Variants in IDO2 observed in about 807,000 individuals in gnomAD.
IDO2 encodes indoleamine 2,3-dioxygenase 2.
Under a neutral mutation model 45.1 loss-of-function variants are expected in IDO2, and 46 were observed. That is an observed-to-expected ratio of 1.02 (90% confidence interval 0.80 to 1.30). The LOEUF is 1.30. Ranked by LOEUF, IDO2 falls within the 50% of genes most tolerant of loss-of-function variation. The pLI, the probability that IDO2 is intolerant of heterozygous loss-of-function variation, is 0.00. For missense variants in IDO2, 544 were observed against 491.8 expected (o/e 1.11, Z -1.00); for synonymous variants, 218 against 184.9 (o/e 1.18, Z -1.45).
chr8:39,979,304 A>C, intron 4 of IDO2, 118 bp downstream of exon 4: 1 of 1,051,594 alleles, frequency 9.5e-7, no homozygotes, highest in Non-Finnish European at 1.3e-6. Context: ...CTTCTTCTCG[A>C]TGGGCATCAG....
At chr8:39,967,781 C>T (rs1207997741) in intron 3 of IDO2, among the ~76,000 whole-genome samples, 1 of 152,238 alleles carries the variant, frequency 6.6e-6, no homozygotes, top group African/African-American at 2.4e-5. Context: ...AGCCACCGTG[C>T]TGGCCTAAAA....
intron 1 of IDO2, among the ~76,000 whole-genome samples, chr8:39,947,171 C>CAAAAAAAAAAAAAAAAAAAAAA (rs55785952): frequency 5.0e-5 from 4 of 80,030 alleles, no homozygotes; most frequent in African/African-American, 5.0e-5. Context: ...GCTAAGGTAT[C>CAAAAAAAAAAAAAAAAAAAAAA]AAAAAAAAAA....
At chr8:39,992,704 T>A (rs552005106) in intron 8 of IDO2, among the ~76,000 whole-genome samples, 1 of 152,296 alleles carries the variant, frequency 6.6e-6, no homozygotes, top group African/African-American at 2.4e-5. Flanking sequence ...TAAATAGAGC[T>A]TGGCTGGACT....
At chr8:39,966,589 G>C (rs953197277) in intron 3 of IDO2, among the ~76,000 whole-genome samples, 3 of 152,144 alleles carry the variant, frequency 2.0e-5, no homozygotes, top group Admixed American at 6.5e-5. Flanking sequence ...TTACAGCTTT[G>C]ATCTTACAGT....
At chr8:40,005,856 A>G (rs999754009) in intron 9 of IDO2, among the ~76,000 whole-genome samples, 1 of 152,194 alleles carries the variant, frequency 6.6e-6, no homozygotes, top group Non-Finnish European at 1.5e-5. Flanking sequence ...ATGGTGAGGT[A>G]TTCGAAGGTG....
At chr8:40,006,960 T>C (rs2909333) in intron 9 of IDO2, among the ~76,000 whole-genome samples, 83,827 of 151,978 alleles carry the variant, frequency 0.55, 23,510 homozygotes, top group Middle Eastern at 0.65. Context: ...CACGTCTGGC[T>C]GATAACTCTA....
At chr8:39,944,098 CT>C (rs1807695270) in intron 1 of IDO2, among the ~76,000 whole-genome samples, 1 of 149,954 alleles carries the variant, frequency 6.7e-6, no homozygotes, top group Non-Finnish European at 1.5e-5. Context: ...TTTTTTTTAG[CT>C]TTCATATTTA....
chr8:39,973,804 C>T (rs146074879), intron 3 of IDO2, among the ~76,000 whole-genome samples: 2,924 of 150,766 alleles, frequency 0.019, 46 homozygotes, highest in Middle Eastern at 0.082. Context: ...TGTAGTGGCA[C>T]AATCTCGGCT....
chr8:39,987,777 C>G, intron 6 of IDO2, 94 bp from the exon 7 acceptor site: 1 of 709,856 alleles, frequency 1.4e-6, no homozygotes, highest in Non-Finnish European at 2.5e-6. Flanking sequence ...GTGATTCCAC[C>G]CTGCAGTTAT....
intron 8 of IDO2, among the ~76,000 whole-genome samples, chr8:39,995,534 G>A (rs998275723): frequency 1.6e-4 from 25 of 151,874 alleles, no homozygotes; most frequent in African/African-American, 5.8e-4. Flanking sequence ...CACCTGCCTC[G>A]GCCTCCCAAA....
chr8:40,002,016 C>A (rs1204596901), intron 8 of IDO2, among the ~76,000 whole-genome samples: 1 of 152,074 alleles, frequency 6.6e-6, no homozygotes, highest in Non-Finnish European at 1.5e-5. Flanking sequence ...AAACTCCTGA[C>A]TTCAAGTGAT....
At chr8:39,950,667 G>C (rs573425768) in intron 2 of IDO2, among the ~76,000 whole-genome samples, 131 of 152,286 alleles carry the variant, frequency 8.6e-4, no homozygotes, top group African/African-American at 3.1e-3. Context: ...CTACCCTACT[G>C]CTGTGTCCAG....
At chr8:39,936,732 C>A (rs149000118) in intron 1 of IDO2, among the ~76,000 whole-genome samples, 480 of 152,280 alleles carry the variant, frequency 3.2e-3, no homozygotes, top group Non-Finnish European at 5.2e-3. Flanking sequence ...GATTAGCATC[C>A]AAGATGGAGT....
chr8:39,995,526 C>T (rs1269325697), intron 8 of IDO2, among the ~76,000 whole-genome samples: 1 of 152,002 alleles, frequency 6.6e-6, no homozygotes, highest in Non-Finnish European at 1.5e-5. Flanking sequence ...AAGTGATCCA[C>T]CTGCCTCGGC....
At chr8:39,992,825 C>A (rs1381815024) in intron 8 of IDO2, among the ~76,000 whole-genome samples, 2 of 152,126 alleles carry the variant, frequency 1.3e-5, no homozygotes, top group African/African-American at 4.8e-5. Flanking sequence ...ATAAATACTT[C>A]CTTTCCAGGC....
chr8:39,978,351 G>A (rs1808293038), intron 3 of IDO2, among the ~76,000 whole-genome samples: 1 of 152,240 alleles, frequency 6.6e-6, no homozygotes, highest in Non-Finnish European at 1.5e-5. Flanking sequence ...GCGAGGGGAA[G>A]AGGCGAGCAG....
intron 9 of IDO2, among the ~76,000 whole-genome samples, chr8:40,009,053 C>G (rs183312940): frequency 6.6e-6 from 1 of 151,848 alleles, no homozygotes; most frequent in African/African-American, 2.4e-5. Context: ...CTCGCTTTGT[C>G]GCCCAGGCTG....
At chr8:39,996,656 AC>A (rs1447360563) in intron 8 of IDO2, among the ~76,000 whole-genome samples, 35 of 151,730 alleles carry the variant, frequency 2.3e-4, no homozygotes, top group African/African-American at 7.7e-4. Context: ...AAACCCACAG[AC>A]CCTGTAGGGC....
chr8:40,005,854 G>A (rs369450968), intron 9 of IDO2, among the ~76,000 whole-genome samples: 2 of 152,188 alleles, frequency 1.3e-5, no homozygotes, highest in African/African-American at 4.8e-5. Context: ...TGATGGTGAG[G>A]TATTCGAAGG....
Sources: gnomAD v4.1 joint callset for allele counts (sites outside exome capture counted in the v4.1 genomes callset) on GRCh38, gnomAD v4.1.1 for gene constraint, MANE v1.5 for transcripts, NCBI Gene and HGNC (gene_info 2026-07-23, HGNC 2026-07-21) for gene names.